The following ARL8B variants were observed in gnomAD, a reference collection of about 807,000 sequenced individuals.
ARL8B encodes the protein ARF like GTPase 8B.
Under a neutral mutation model 30.6 loss-of-function variants are expected in ARL8B, and 9 were observed. That is an observed-to-expected ratio of 0.29 (90% CI 0.18 to 0.51). The LOEUF (loss-of-function observed/expected upper bound fraction) is 0.51. Ranked by LOEUF, ARL8B falls within the 20% of genes least tolerant of loss-of-function variation. The pLI is 0.97. For missense variants in ARL8B, 130 were observed against 227.2 expected (o/e 0.57, Z 2.75); for synonymous variants, 74 against 76.0 (o/e 0.97, Z 0.14).
chr3:5,167,204 A>G (rs2054631958), intron 1 of ARL8B, among the ~76,000 whole-genome samples: 1 of 152,232 alleles, frequency 6.6e-6, no homozygotes, highest in South Asian at 2.1e-4. Context: ...GAGGGTAAGC[A>G]TTATGACAGT....
At chr3:5,170,447 T>C (rs1025539377) in intron 1 of ARL8B, 56 bp from the exon 2 acceptor site, 1 of 1,187,390 alleles carries the variant, frequency 8.4e-7, no homozygotes, top group African/African-American at 1.6e-5. Context: ...TATTAGAAGT[T>C]TATGCAGTGT....
intron 1 of ARL8B, among the ~76,000 whole-genome samples, chr3:5,150,151 G>A (rs914901414): frequency 1.3e-5 from 2 of 152,082 alleles, no homozygotes; most frequent in African/African-American, 2.4e-5. Context: ...TGTAGAATTC[G>A]TGTTATTCTT....
At position 5,174,073 on chromosome 3, in the gene ARL8B, A is replaced by T. The variant is rs750194211; in HGVS notation, c.429A>T (p.Leu143=). 6.2e-7 allele frequency: 1 copy of T among 1,609,846 alleles called. No individual in the cohort carries two copies. The highest frequency in any genetic ancestry group is 8.5e-7 in the Non-Finnish European group (1 of 1,176,694). Residue 143 remains leucine, a synonymous_variant, in exon 5 of 7, where the codon CTA becomes CTT. Transcript: ENST00000256496. ...CTAATGCCTTGGATGAGAAACAGCT[A>T]ATTGAAAAAATGTATGTCTTGAATA... The part of the protein sequence containing the change: ...DLPNALDEKQ[L]IEKMNLSAIQ...
At position 5,138,827 on chromosome 3, in the gene ARL8B, A is replaced by G. The variant is rs184606060; in HGVS notation, c.123+16239A>G. Among the ~76,000 whole-genome samples the G allele has an allele frequency of 1.2e-4, 18 of 152,328 alleles. No individual in the cohort carries two copies. The East Asian group carries it at 3.5e-3, about 29-fold the overall frequency. On this transcript the variant is annotated intron_variant, in intron 1 of 6. Coordinates refer to ENST00000256496, the MANE Select transcript of ARL8B (RefSeq NM_018184.3). ...TTTTAAGAGTTGAGTTTCACTGTGA[A>G]ACAATGTCGAAAGCACTGACTGGAC...
intron 1 of ARL8B, among the ~76,000 whole-genome samples, chr3:5,151,295 A>G (rs1030698990): frequency 5.3e-5 from 8 of 152,000 alleles, no homozygotes; most frequent in African/African-American, 1.9e-4. Context: ...TAAGCATTTG[A>G]AGCTGGGCAT....
At position 5,122,489 on chromosome 3, in the gene ARL8B, G is replaced by A. The variant is rs1213465356; in HGVS notation, c.24G>A (p.Leu8=). MLALISR[L]LDWFRSLFWK... ...TCATGCTGGCGCTCATCTCCCGCCT[G>A]CTGGACTGGTTCCGTTCGCTCTTCT... The change falls in exon 1 of 7, where the codon CTG becomes CTA. Residue 8 remains leucine (L), a synonymous_variant. Transcript: ENST00000256496. The A allele has an allele frequency of 1.9e-6, 3 of 1,613,652 alleles. No homozygotes were observed. Among genetic ancestry groups the A allele is most frequent in the Middle Eastern group, 1.7e-4 (1 of 6,008 alleles).
At chr3:5,146,582 G>A (rs202161346) in intron 1 of ARL8B, among the ~76,000 whole-genome samples, 6 of 151,992 alleles carry the variant, frequency 3.9e-5, no homozygotes, top group Non-Finnish European at 5.9e-5. Context: ...TTTTCTAATC[G>A]ACACATAGGG....
At chr3:5,132,502 G>C (rs1182571891) in intron 1 of ARL8B, among the ~76,000 whole-genome samples, 1 of 152,170 alleles carries the variant, frequency 6.6e-6, no homozygotes, top group Non-Finnish European at 1.5e-5. Flanking sequence ...GCCTCCCAAA[G>C]TGCTGGGATT....
Position 5,172,163 on chromosome 3 carries a change from G to T in ARL8B, c.218G>T (p.Gly73Val). 6.2e-7 allele frequency: 1 copy of T among 1,613,490 alleles called. No individual in the cohort carries two copies. Among genetic ancestry groups the T allele is most frequent in the Non-Finnish European group, 8.5e-7 (1 of 1,179,638 alleles). ...GNVTIKIWDI[G>V]GQPRFRSMWE... Reference sequence around the variant, plus strand: ...TTTGATTTAAAGATCTGGGACATAGGAGGACAACCCCGATTTCGAAGCATG... The same window carrying T: ...TTTGATTTAAAGATCTGGGACATAGTAGGACAACCCCGATTTCGAAGCATG... Residue 73 changes from glycine (G) to valine (V), a missense_variant, in exon 3 of 7, where the codon GGA (glycine) becomes GTA (valine). Coordinates refer to ENST00000256496, the MANE Select transcript of ARL8B (RefSeq NM_018184.3).
At chr3:5,146,510 G>C (rs11921280) in intron 1 of ARL8B, among the ~76,000 whole-genome samples, 59,846 of 152,014 alleles carry the variant, frequency 0.39, 13,607 homozygotes, top group African/African-American at 0.65. Context: ...CTGCAAACTA[G>C]TTCTCCTGGT....
intron 4 of ARL8B, among the ~76,000 whole-genome samples, chr3:5,173,688 C>T (rs767296935): frequency 3.3e-5 from 5 of 151,976 alleles, no homozygotes; most frequent in Admixed American, 6.6e-5. Flanking sequence ...GCACTCCAGC[C>T]TGGGTGACAG....
chr3:5,145,156 C>G (rs957442936), intron 1 of ARL8B, among the ~76,000 whole-genome samples: 2 of 152,108 alleles, frequency 1.3e-5, no homozygotes, highest in African/African-American at 4.8e-5. Flanking sequence ...TGGAGCTTCC[C>G]TAAGGTCAGG....
At chr3:5,156,073 T>C (rs1199088457) in intron 1 of ARL8B, among the ~76,000 whole-genome samples, 2 of 152,070 alleles carry the variant, frequency 1.3e-5, no homozygotes, top group African/African-American at 2.4e-5. Flanking sequence ...CATCTAATTT[T>C]TGTATTTTTG....
At chr3:5,153,269 C>T (rs1353369898) in intron 1 of ARL8B, among the ~76,000 whole-genome samples, 1 of 152,170 alleles carries the variant, frequency 6.6e-6, no homozygotes, top group Non-Finnish European at 1.5e-5. Flanking sequence ...TCCCACAATT[C>T]CCATGTGTCA....
chr3:5,172,385 T>TA (rs1054981373), intron 3 of ARL8B, among the ~76,000 whole-genome samples, 162 bp downstream of exon 3: 3 of 152,220 alleles, frequency 2.0e-5, no homozygotes, highest in Admixed American at 1.3e-4. Context: ...TAAAAAAAAT[T>TA]AATCATAGAA....
intron 4 of ARL8B, among the ~76,000 whole-genome samples, chr3:5,173,105 G>A (rs1050014143): frequency 8.5e-5 from 13 of 152,178 alleles, no homozygotes; most frequent in African/African-American, 3.1e-4. Flanking sequence ...AGGTGCAAGG[G>A]GATATGAGAG....
Position 5,174,395 on chromosome 3 carries a change from C to T in ARL8B, c.492C>T (p.Cys164=). ...DREICCYSIS[C]KEKDNIDITL... is the part of the protein sequence containing the mutation. ...AAATTTGCTGCTATTCAATTTCTTG[C>T]AAAGAAAAGGATAATATAGGTAAGA... The change falls in exon 6 of 7, where the codon TGC becomes TGT. Residue 164 remains cysteine (C), a synonymous_variant. Transcript: ENST00000256496. The T allele has an allele frequency of 6.2e-7, 1 of 1,603,414 alleles. No individual in the cohort carries two copies. Among genetic ancestry groups the T allele is most frequent in the African/African-American group, 1.3e-5 (1 of 74,700 alleles).
intron 1 of ARL8B, 140 bp from the exon 2 acceptor site, chr3:5,170,363 G>A: frequency 2.1e-6 from 1 of 471,738 alleles, no homozygotes; most frequent in East Asian, 3.4e-5. Flanking sequence ...TGGCCATAAG[G>A]AACATGTTCT....
chr3:5,126,859 A>G (rs935092611), intron 1 of ARL8B, among the ~76,000 whole-genome samples: 1 of 152,194 alleles, frequency 6.6e-6, no homozygotes, highest in Non-Finnish European at 1.5e-5. Context: ...ATGTATATTG[A>G]GTAATCTTTA....
Sources: allele counts gnomAD v4.1 joint callset (sites outside exome capture counted in the v4.1 genomes callset), GRCh38; gene constraint gnomAD v4.1.1; transcripts MANE v1.5; gene names NCBI Gene and HGNC (gene_info 2026-07-23, HGNC 2026-07-21).